Variants in DLD observed in about 807,000 individuals in gnomAD.
The protein encoded by DLD is dihydrolipoyl dehydrogenase, mitochondrial.
Under a neutral mutation model 62.2 loss-of-function variants are expected in DLD, and 36 were observed. The observed-to-expected ratio is 0.58, with a 90% CI of 0.44 to 0.76. The LOEUF (loss-of-function observed/expected upper bound fraction) is 0.76, where lower values mean the gene tolerates loss of function less well. Among genes scored for constraint, DLD ranks in the 30% least tolerant of loss-of-function variants. The probability of loss-of-function intolerance (pLI) is 0.00; values close to 1 mark genes in which losing one functional copy is unlikely to be tolerated. For missense variants in DLD, 541 were observed against 608.6 expected (o/e 0.89, Z 1.17); for synonymous variants, 204 against 199.6 (o/e 1.02, Z -0.19).
rs958819410 is a variant in DLD, at chr7:107,919,460, A to G, written c.*201A>G. 5.9e-6 allele frequency: 3 copies of G among 507,672 alleles called. No homozygotes were observed. The highest frequency in any genetic ancestry group is 3.9e-5 in the African/African-American group (2 of 51,942). The allele number at this position is 507,672 out of a possible 1,614,324, so 31.4% of individuals were successfully genotyped here. On this transcript the variant is annotated 3_prime_UTR_variant, in exon 14 of 14. Coordinates refer to ENST00000205402, the MANE Select transcript of DLD (RefSeq NM_000108.5). ...TAAATTTAGTATTTTGTTTCAGTGC[A>G]CTAATGTGTAAGACAAAAAGCTACT...
rs1345980091 is a variant in DLD at position 107,920,084 on chromosome 7, CAATATTAAGGCATTTT to C, written c.*828_*843del. On this transcript the variant is annotated 3_prime_UTR_variant, in exon 14 of 14. Transcript: ENST00000205402. Reference sequence around the variant, plus strand: ...GTATCTTTATTTTCATGTTATAGGACAATATTAAGGCATTTTAAAGGTCATCATCCTTTCATCTATT... The same window carrying C: ...GTATCTTTATTTTCATGTTATAGGACAAAGGTCATCATCCTTTCATCTATT... 6.6e-6 allele frequency: 1 copy of C among 152,082 alleles called. No individual in the cohort carries two copies. The highest frequency in any genetic ancestry group is 1.9e-4 in the East Asian group (1 of 5,316). The allele number at this position is 152,082 out of a possible 1,614,324, so 9.4% of individuals were successfully genotyped here.
intron 5 of DLD, chr7:107,903,778 A>G (rs548760589): frequency 5.2e-6 from 2 of 387,258 alleles, no homozygotes; most frequent in Admixed American, 3.8e-5. Flanking sequence ...TTCTACCATT[A>G]TATCTTCTGT....
chr7:107,892,767 C>T (rs902380978), intron 1 of DLD, among the ~76,000 whole-genome samples: 26 of 152,164 alleles, frequency 1.7e-4, no homozygotes, highest in African/African-American at 6.3e-4. Context: ...AGGCTGGTCT[C>T]GAACTCCTGA....
intron 8 of DLD, 114 bp from the exon 9 acceptor site, chr7:107,915,392 T>A: frequency 8.9e-7 from 1 of 1,125,596 alleles, no homozygotes; most frequent in Non-Finnish European, 1.3e-6. Flanking sequence ...GAGCTTCTCA[T>A]AGGAACATAC....
intron 4 of DLD, among the ~76,000 whole-genome samples, chr7:107,903,059 A>G (rs1328985872): frequency 6.6e-6 from 1 of 152,216 alleles, no homozygotes; most frequent in African/African-American, 2.4e-5. Context: ...GTTAATTAAC[A>G]TATTCATTAC....
intron 2 of DLD, among the ~76,000 whole-genome samples, chr7:107,894,803 A>G (rs1363354383): frequency 6.6e-6 from 1 of 152,190 alleles, no homozygotes; most frequent in Non-Finnish European, 1.5e-5. Context: ...CTTAGTACCC[A>G]TGTGTGTAAA....
At chr7:107,891,369 C>T in intron 1 of DLD, 80 bp downstream of exon 1, 2 of 1,520,132 alleles carry the variant, frequency 1.3e-6, no homozygotes, top group Non-Finnish European at 1.8e-6. Context: ...GCGGCTTAAC[C>T]GTGTTGGGCT....
intron 1 of DLD, 105 bp from the exon 2 acceptor site, chr7:107,893,095 C>T: frequency 1.3e-6 from 1 of 762,122 alleles, no homozygotes; most frequent in Admixed American, 2.2e-5. Context: ...CACTAATAAT[C>T]CTCGCTTGAT....
chr7:107,902,744 C>T (rs764584722), intron 4 of DLD, among the ~76,000 whole-genome samples: 1 of 152,144 alleles, frequency 6.6e-6, no homozygotes, highest in Non-Finnish European at 1.5e-5. Flanking sequence ...TGTATGTAAA[C>T]ATGACTGCCT....
At chr7:107,903,445 AT>A (rs751938025) in intron 4 of DLD, 32 bp from the exon 5 acceptor site, 28 of 1,259,614 alleles carry the variant, frequency 2.2e-5, no homozygotes, top group Non-Finnish European at 5.8e-6. Context: ...GTTTATGAAT[AT>A]TTGATAATTT....
intron 3 of DLD, 55 bp downstream of exon 3, chr7:107,901,872 T>G (rs2031884996): frequency 6.9e-7 from 1 of 1,454,240 alleles, no homozygotes; most frequent in South Asian, 1.1e-5. Context: ...GAAGGGTTGA[T>G]CATATTTATA....
At chr7:107,917,598 C>A in intron 11 of DLD, 136 bp downstream of exon 11, 1 of 970,756 alleles carries the variant, frequency 1.0e-6, no homozygotes, top group Non-Finnish European at 1.6e-6. Flanking sequence ...ATATTTTTCC[C>A]TTGTTAGCAT....
intron 8 of DLD, among the ~76,000 whole-genome samples, chr7:107,911,795 T>A (rs1005719368): frequency 3.9e-5 from 6 of 152,144 alleles, no homozygotes; most frequent in Non-Finnish European, 7.4e-5. Flanking sequence ...TCAGGGTAAT[T>A]AGGCTATCCA....
intron 2 of DLD, among the ~76,000 whole-genome samples, chr7:107,898,360 G>A (rs981522832): frequency 6.4e-5 from 9 of 140,342 alleles, no homozygotes; most frequent in Admixed American, 7.7e-5. Flanking sequence ...AGTTCACTGC[G>A]ACGTCCCCCT....
Position 107,917,292 on chromosome 7 carries a change from G to A in DLD, c.1066G>A (p.Val356Ile), listed in dbSNP as rs2032292552. ...TGGTAGTATCTATGCCATTGGTGAT[G>A]TAGTTGCTGGTCCAATGCTGGCTCA... is the stretch of plus-strand genomic sequence containing the variant. Reference protein sequence around the residue: ...KIPNIYAIGDVVAGPMLAHKA... With the variant: ...KIPNIYAIGDIVAGPMLAHKA... The change falls in exon 11 of 14, where the codon GTA becomes ATA. Residue 356 changes from valine (V) to isoleucine (I), a missense_variant. Transcript: ENST00000205402. 6.2e-7 allele frequency: 1 copy of A among 1,614,006 alleles called. No individual in the cohort carries two copies. The highest frequency in any genetic ancestry group is 1.7e-5 in the Admixed American group (1 of 60,000).
chr7:107,914,551 A>G lies in DLD; in HGVS notation c.685-955A>G, dbSNP rs900789394. On this transcript the variant is annotated intron_variant, in intron 8 of 13. Transcript: ENST00000205402. ...TGATCCATTTTGAGTTAACTTTTAT[A>G]TATACGTATTGTTAGATTTTTAGTG... 4.6e-5 allele frequency among the ~76,000 whole-genome samples: 7 copies of G among 152,244 alleles called. No individual in the cohort carries two copies. In the East Asian group the frequency reaches 9.6e-4, roughly 21 times the overall value.
intron 4 of DLD, 130 bp downstream of exon 4, chr7:107,902,523 G>GA (rs1052675302): frequency 3.1e-5 from 25 of 801,994 alleles, no homozygotes; most frequent in East Asian, 5.3e-5. Context: ...TTCACACAGA[G>GA]AAAAAAAAGA....
intron 7 of DLD, 50 bp downstream of exon 7, chr7:107,905,554 C>A: frequency 6.4e-7 from 1 of 1,567,776 alleles, no homozygotes; most frequent in Non-Finnish European, 8.8e-7. Flanking sequence ...TTTAGAAATA[C>A]GTTTTATAAG....
intron 6 of DLD, 61 bp from the exon 7 acceptor site, chr7:107,905,300 G>T: frequency 6.6e-7 from 1 of 1,511,608 alleles, no homozygotes; most frequent in South Asian, 1.1e-5. Flanking sequence ...TTTTTCCTTT[G>T]AATGATTTAT....
Sources: allele counts gnomAD v4.1 joint callset (sites outside exome capture counted in the v4.1 genomes callset), GRCh38; gene constraint gnomAD v4.1.1; transcripts MANE v1.5; gene names NCBI Gene and HGNC (gene_info 2026-07-23, HGNC 2026-07-21).